Variants in PRPF4 observed in about 807,000 individuals in gnomAD.
PRPF4 encodes pre-mRNA splicing tri-snRNP complex factor PRPF4, also known as U4/U6 small nuclear ribonucleoprotein Prp4.
Under a neutral mutation model 72.2 loss-of-function variants are expected in PRPF4, and 14 were observed. That is an observed-to-expected ratio of 0.19 (90% confidence interval 0.13 to 0.30). The LOEUF is 0.30. Ranked by LOEUF, PRPF4 falls within the 10% of genes least tolerant of loss-of-function variation. PRPF4 has a pLI of 1.00. For missense variants in PRPF4, 478 were observed against 653.9 expected (o/e 0.73, Z 2.93); for synonymous variants, 225 against 232.2 (o/e 0.97, Z 0.28).
At chr9:113,285,447 C>T (rs1436934110) in intron 7 of PRPF4, among the ~76,000 whole-genome samples, 4 of 137,278 alleles carry the variant, frequency 2.9e-5, no homozygotes, top group South Asian at 4.7e-4. Context: ...GGCGCGATCT[C>T]GGCTCACTGC....
intron 7 of PRPF4, 40 bp from the exon 8 acceptor site, chr9:113,286,192 G>T: frequency 6.2e-7 from 1 of 1,613,328 alleles, no homozygotes. Flanking sequence ...TTCCTTCCCA[G>T]ACCAACCCTG....
chr9:113,285,670 G>A (rs1475882080), intron 7 of PRPF4, among the ~76,000 whole-genome samples: 19 of 151,604 alleles, frequency 1.3e-4, no homozygotes, highest in Non-Finnish European at 1.8e-4. Flanking sequence ...GAGCCACAGC[G>A]CCTGGCCCAA....
chr9:113,287,525 G>C (rs1047696131), intron 9 of PRPF4, among the ~76,000 whole-genome samples: 4 of 151,610 alleles, frequency 2.6e-5, no homozygotes, highest in African/African-American at 7.3e-5. Context: ...TGGCCAAAAG[G>C]CATCTGAATT....
intron 10 of PRPF4, among the ~76,000 whole-genome samples, chr9:113,289,288 C>T (rs773615248): frequency 2.0e-5 from 3 of 152,236 alleles, no homozygotes; most frequent in South Asian, 4.2e-4. Flanking sequence ...AGGTCTGGGC[C>T]AGTCAGAATG....
In PRPF4 at chr9:113,286,753, T is replaced by A. The variant is rs1832459554; in HGVS notation, c.857T>A (p.Val286Asp). 8 of 1,614,130 alleles carry A rather than the reference T, an allele frequency of 5.0e-6. No homozygotes were observed. The highest frequency in any genetic ancestry group is 6.8e-6 in the Non-Finnish European group (8 of 1,180,002). The change falls in exon 9 of 14, where the codon GTC becomes GAC. Residue 286 changes from valine (V) to aspartate (D), a missense_variant. Coordinates refer to ENST00000374198, the MANE Select transcript of PRPF4 (RefSeq NM_001244926.2). ...GAIVFHPKST[V>D]SLDPKDVNLA... ...ATTGTATTCCATCCCAAATCCACTG[T>A]CTCCTTGGACCCAAAAGATGTCAAC...
chr9:113,282,477 GA>G (rs111996992), intron 3 of PRPF4, among the ~76,000 whole-genome samples, 168 bp from the exon 4 acceptor site: 4 of 148,760 alleles, frequency 2.7e-5, no homozygotes, highest in East Asian at 2.0e-4. Context: ...CTCTTAAAAA[GA>G]AAAAAAAAAG....
rs901470319 is a variant in PRPF4 at position 113,291,841 on chromosome 9, A to T, written c.*181A>T. ...AGGAAGGCAGCCCAATCCCTAGGTG[A>T]TGGGGAACCCCTCTCACGGTTGAAA... On this transcript the variant is annotated 3_prime_UTR_variant, in exon 14 of 14. Transcript: ENST00000374198. 1.3e-5 allele frequency: 8 copies of T among 598,838 alleles called. No homozygotes were observed. Among genetic ancestry groups the T allele is most frequent in the African/African-American group, 5.6e-5 (3 of 53,772 alleles). The allele number at this position is 598,838 out of a possible 1,614,324, so 37.1% of individuals were successfully genotyped here.
intron 3 of PRPF4, among the ~76,000 whole-genome samples, 174 bp from the exon 4 acceptor site, chr9:113,282,472 A>G (rs1310480897): frequency 2.2e-5 from 2 of 91,590 alleles, no homozygotes; most frequent in African/African-American, 3.6e-5. Context: ...CTCATCTCTT[A>G]AAAAGAAAAA....
chr9:113,282,512 A>T, intron 3 of PRPF4, 134 bp from the exon 4 acceptor site: 1 of 639,986 alleles, frequency 1.6e-6, no homozygotes. Context: ...TTGAACAGTG[A>T]GAGAATAGTA....
intron 2 of PRPF4, 116 bp from the exon 3 acceptor site, chr9:113,278,829 A>T: frequency 1.0e-6 from 1 of 988,200 alleles, no homozygotes; most frequent in Non-Finnish European, 1.5e-6. Context: ...GTAAACTATA[A>T]AATGTGTAAT....
At chr9:113,285,302 A>G (rs374738289) in intron 7 of PRPF4, among the ~76,000 whole-genome samples, 14 of 136,916 alleles carry the variant, frequency 1.0e-4, no homozygotes, top group Middle Eastern at 8.2e-3. Context: ...CAGGAGTTTG[A>G]GACCAGGCTG....
chr9:113,280,586 T>G (rs1458835580), intron 3 of PRPF4, among the ~76,000 whole-genome samples: 1 of 152,254 alleles, frequency 6.6e-6, no homozygotes. Context: ...TTTACTGCTT[T>G]CAAATCTGCA....
At chr9:113,291,388 T>C (rs960376849) in intron 13 of PRPF4, 79 bp from the exon 14 acceptor site, 17 of 1,409,536 alleles carry the variant, frequency 1.2e-5, no homozygotes, top group East Asian at 9.2e-5. Flanking sequence ...AATAGTATGT[T>C]TTTGCAGACT....
rs1339189695 is a variant in PRPF4, at chr9:113,288,185, G to C, written c.943G>C (p.Val315Leu). 6.2e-7 allele frequency: 1 copy of C among 1,614,218 alleles called. No homozygotes were observed. Among genetic ancestry groups the C allele is most frequent in the South Asian group, 1.1e-5 (1 of 91,082 alleles). ...TTGGTTCCTTTCCAGTGATGAACCA[G>C]TGGCAGATATTGAAGGCCATACAGT... ...KLWSLDSDEP[V>L]ADIEGHTVRV... Residue 315 changes from valine (V) to leucine (L), a missense_variant, in exon 10 of 14, where the codon GTG (valine) becomes CTG (leucine). Physicochemically the swap from Val to Leu is conservative, Grantham distance 32. Transcript: ENST00000374198.
chr9:113,283,355 T>C, intron 5 of PRPF4, 34 bp from the exon 6 acceptor site: 2 of 1,613,966 alleles, frequency 1.2e-6, no homozygotes, highest in Non-Finnish European at 1.7e-6. Flanking sequence ...TTTACAACCC[T>C]GTTGCTCCTG....
chr9:113,285,545 AT>A (rs1214076499), intron 7 of PRPF4, among the ~76,000 whole-genome samples: 25 of 150,476 alleles, frequency 1.7e-4, no homozygotes, highest in African/African-American at 5.4e-4. Flanking sequence ...CACCCAGCTA[AT>A]TTTTTGTATT....
intron 1 of PRPF4, among the ~76,000 whole-genome samples, chr9:113,276,071 C>T (rs1456209955): frequency 1.3e-5 from 2 of 152,230 alleles, no homozygotes; most frequent in Non-Finnish European, 2.9e-5. Flanking sequence ...ATGCCTTTGG[C>T]AGATCTCAGA....
intron 1 of PRPF4, among the ~76,000 whole-genome samples, chr9:113,276,143 C>G (rs1400695559): frequency 7.9e-5 from 12 of 152,220 alleles, no homozygotes; most frequent in Admixed American, 7.9e-4. Context: ...AATGTATACA[C>G]TTGTAATGTT....
At position 113,288,205 on chromosome 9, in the gene PRPF4, T is replaced by G. The variant is rs759295455; in HGVS notation, c.963T>G (p.His321Gln). 2 of 1,614,252 alleles carry G rather than the reference T, an allele frequency of 1.2e-6. No homozygotes were observed. Among genetic ancestry groups the G allele is most frequent in the Admixed American group, 3.3e-5 (2 of 60,034 alleles). Residue 321 changes from histidine to glutamine, a missense_variant, in exon 10 of 14, where the codon CAT becomes CAG. By Grantham distance (24) the His-to-Gln change is conservative. Coordinates refer to ENST00000374198, the MANE Select transcript of PRPF4 (RefSeq NM_001244926.2). ...AACCAGTGGCAGATATTGAAGGCCA[T>G]ACAGTGCGTGTGGCGCGGGTAATGT... is the stretch of plus-strand genomic sequence containing the variant. ...SDEPVADIEG[H>Q]TVRVARVMWH...
Sources: allele counts gnomAD v4.1 joint callset (sites outside exome capture counted in the v4.1 genomes callset), GRCh38; gene constraint gnomAD v4.1.1; transcripts MANE v1.5; gene names NCBI Gene and HGNC (gene_info 2026-07-23, HGNC 2026-07-21).